ERBB4: variants seen among roughly 807,000 people sequenced by gnomAD.
ERBB4 encodes the protein erb-b2 receptor tyrosine kinase 4.
ERBB4 carries 42 observed loss-of-function variants against 158.0 expected under a neutral mutation model. That is an observed-to-expected ratio of 0.27 (90% CI 0.21 to 0.34). The LOEUF is 0.34. Ranked by LOEUF, ERBB4 falls within the 10% of genes least tolerant of loss-of-function variation. ERBB4 has a pLI of 1.00. For synonymous variants in ERBB4, 583 were observed against 558.7 expected (o/e 1.04, Z -0.61); for missense variants, 1,333 against 1,624.1 (o/e 0.82, Z 3.08).
rs552725797 is a variant in ERBB4, at chr2:212,121,460, A to C, written c.234+3292T>G. Among the ~76,000 whole-genome samples the C allele has an allele frequency of 6.6e-5, 10 of 152,250 alleles. No individual in the cohort carries two copies. The South Asian group carries it at 1.9e-3, about 28-fold the overall frequency. ...ACTCCTCAAGTGATCTGCCCACCTC[A>C]GCCTCTCAAATTGCTGGGATTACAG... On this transcript the variant is annotated intron_variant, in intron 2 of 27. Coordinates refer to ENST00000342788, the MANE Select transcript of ERBB4 (RefSeq NM_005235.3).
chr2:211,787,749 C>T (rs540717459), intron 4 of ERBB4, among the ~76,000 whole-genome samples: 6 of 152,136 alleles, frequency 3.9e-5, no homozygotes, highest in African/African-American at 1.4e-4. Flanking sequence ...TAGTGGAACA[C>T]ACATTTGTAC....
chr2:212,284,400 A>T (rs1016653748), intron 1 of ERBB4, among the ~76,000 whole-genome samples: 1 of 152,060 alleles, frequency 6.6e-6, no homozygotes, highest in Admixed American at 6.6e-5. Context: ...TCCCATTTAC[A>T]TTACAGCATG....
At chr2:211,809,524 T>C (rs2076699448) in intron 3 of ERBB4, among the ~76,000 whole-genome samples, 1 of 152,208 alleles carries the variant, frequency 6.6e-6, no homozygotes, top group Non-Finnish European at 1.5e-5. Flanking sequence ...TTCTGTGGGA[T>C]TGGTGGTGAT....
At chr2:211,955,365 C>A (rs1250364206) in intron 2 of ERBB4, among the ~76,000 whole-genome samples, 1 of 151,820 alleles carries the variant, frequency 6.6e-6, no homozygotes, top group Non-Finnish European at 1.5e-5. Flanking sequence ...TAGAATTAAC[C>A]ATATTTTTTT....
intron 7 of ERBB4, 107 bp from the exon 8 acceptor site, chr2:211,713,755 G>T (rs1388472802): frequency 5.4e-5 from 38 of 709,016 alleles, no homozygotes; most frequent in Non-Finnish European, 7.8e-5. Context: ...ATCATTGATA[G>T]TGTTTATGTA....
intron 1 of ERBB4, among the ~76,000 whole-genome samples, chr2:212,476,318 T>G (rs34947061): frequency 0.16 from 24,053 of 152,144 alleles, 2,410 homozygotes; most frequent in Non-Finnish European, 0.23. Flanking sequence ...TGGCTTGCTA[T>G]TCTATCACTA....
intron 19 of ERBB4, among the ~76,000 whole-genome samples, chr2:211,584,152 T>C (rs1035506864): frequency 1.3e-5 from 2 of 151,536 alleles, no homozygotes; most frequent in African/African-American, 4.8e-5. Context: ...CATACATATC[T>C]TGCATATTTA....
chr2:212,171,445 G>A (rs942298808), intron 1 of ERBB4, among the ~76,000 whole-genome samples: 20 of 151,960 alleles, frequency 1.3e-4, no homozygotes, highest in South Asian at 4.1e-4. Flanking sequence ...GGACTCTTTG[G>A]AAGGCATGAT....
At chr2:212,511,796 G>A (rs1031236595) in intron 1 of ERBB4, among the ~76,000 whole-genome samples, 22 of 149,146 alleles carry the variant, frequency 1.5e-4, no homozygotes, top group African/African-American at 5.4e-4. Flanking sequence ...TTAAAAATTA[G>A]AGATTTAATG....
At chr2:211,635,277 C>T (rs2070316245) in intron 16 of ERBB4, among the ~76,000 whole-genome samples, 1 of 152,178 alleles carries the variant, frequency 6.6e-6, no homozygotes, top group Non-Finnish European at 1.5e-5. Flanking sequence ...ACTGAAGAAA[C>T]TAATCTCACA....
chr2:212,056,894 C>A (rs2077592744), intron 2 of ERBB4, among the ~76,000 whole-genome samples: 1 of 152,176 alleles, frequency 6.6e-6, no homozygotes, highest in South Asian at 2.1e-4. Flanking sequence ...AACCAGCCAA[C>A]ATCATAATGA....
chr2:211,734,909 CAAAAAAAA>C, intron 5 of ERBB4, among the ~76,000 whole-genome samples: 1 of 69,286 alleles, frequency 1.4e-5, no homozygotes, highest in African/African-American at 6.3e-5. Context: ...GAGACTCTGT[CAAAAAAAA>C]AAAAAAAAAA....
chr2:211,861,598 A>G (rs2078057188), intron 3 of ERBB4, among the ~76,000 whole-genome samples: 1 of 152,052 alleles, frequency 6.6e-6, no homozygotes, highest in African/African-American at 2.4e-5. Flanking sequence ...CTAACAATGA[A>G]TTGTTTTTAT....
intron 1 of ERBB4, among the ~76,000 whole-genome samples, chr2:212,288,492 G>T (rs150388331): frequency 8.8e-4 from 134 of 152,246 alleles, no homozygotes; most frequent in African/African-American, 3.2e-3. Context: ...GCGCACTGGG[G>T]TGGAGCCTCA....
chr2:211,649,286 T>A (rs1387722443), intron 16 of ERBB4, among the ~76,000 whole-genome samples: 2 of 151,900 alleles, frequency 1.3e-5, no homozygotes, highest in African/African-American at 4.8e-5. Flanking sequence ...TGACTACTGT[T>A]TTTATATGCT....
chr2:211,422,031 GT>G lies in ERBB4; in HGVS notation c.2939del (p.Asp980AlafsTer6). Reference sequence around the variant, plus strand: ...CCTGAATAACTAGGTATCTTTGAGGGTCTCGAGCCATCCTTGAAAACTCAGC... The same window carrying G: ...CCTGAATAACTAGGTATCTTTGAGGGCTCGAGCCATCCTTGAAAACTCAGC... ...LAAEFSRMAR[D>X]PQRYLVIQGD... On this transcript the variant is annotated frameshift_variant, in exon 24 of 28. Coordinates refer to ENST00000342788, the MANE Select transcript of ERBB4 (RefSeq NM_005235.3). LOFTEE classifies it high-confidence loss of function. 6.2e-7 allele frequency: 1 copy of G among 1,610,676 alleles called. No individual in the cohort carries two copies. The highest frequency in any genetic ancestry group is 8.5e-7 in the Non-Finnish European group (1 of 1,177,194).
At chr2:211,490,715 G>A (rs181998894) in intron 20 of ERBB4, among the ~76,000 whole-genome samples, 55 of 152,118 alleles carry the variant, frequency 3.6e-4, no homozygotes, top group Admixed American at 1.0e-3. Flanking sequence ...AAGGAGTTAC[G>A]AAAGTGTGCT....
chr2:211,916,378 C>G (rs1277059346), intron 3 of ERBB4, among the ~76,000 whole-genome samples: 1 of 152,046 alleles, frequency 6.6e-6, no homozygotes, highest in African/African-American at 2.4e-5. Flanking sequence ...CGGGGTTTCA[C>G]CATGTTGGCT....
intron 1 of ERBB4, among the ~76,000 whole-genome samples, chr2:212,335,307 T>G (rs2088377936): frequency 6.6e-6 from 1 of 151,924 alleles, no homozygotes; most frequent in African/African-American, 2.4e-5. Flanking sequence ...CAATACAAAA[T>G]TGATATGTTT....
Sources: allele counts gnomAD v4.1 joint callset (sites outside exome capture counted in the v4.1 genomes callset), GRCh38; gene constraint gnomAD v4.1.1; transcripts MANE v1.5; gene names NCBI Gene and HGNC (gene_info 2026-07-23, HGNC 2026-07-21).